Variants in PCDH9 observed in about 807,000 individuals in gnomAD.
The protein encoded by PCDH9 is protocadherin 9.
In PCDH9, 24 loss-of-function variants were observed where a neutral mutation model predicts 70.6. The ratio of observed to expected loss-of-function variants is 0.34; its 90% confidence interval spans 0.25 to 0.48. The LOEUF (loss-of-function observed/expected upper bound fraction) is 0.48. Ranked by LOEUF, PCDH9 falls within the 20% of genes least tolerant of loss-of-function variation. The probability of loss-of-function intolerance (pLI) is 0.99; values close to 1 mark genes in which losing one functional copy is unlikely to be tolerated. For missense variants in PCDH9, 1,281 were observed against 1,503.6 expected, an observed-to-expected ratio of 0.85 and a Z score of 2.45; for synonymous variants, 562 against 558.5, an observed-to-expected ratio of 1.01 and a Z score of -0.09.
intron 2 of PCDH9, among the ~76,000 whole-genome samples, chr13:67,159,722 G>A (rs910480496): frequency 6.6e-6 from 1 of 152,104 alleles, no homozygotes; most frequent in Non-Finnish European, 1.5e-5. Context: ...CTTTTTTAGA[G>A]AATAGATTTA....
chr13:66,609,044 C>T (rs1354813189), intron 4 of PCDH9, among the ~76,000 whole-genome samples: 1 of 152,126 alleles, frequency 6.6e-6, no homozygotes, highest in Non-Finnish European at 1.5e-5. Flanking sequence ...GTCAGGAATG[C>T]TGTTGAGTGC....
intron 2 of PCDH9, among the ~76,000 whole-genome samples, chr13:67,183,478 T>C (rs2138490443): frequency 6.6e-6 from 1 of 152,330 alleles, no homozygotes; most frequent in South Asian, 2.1e-4. Context: ...CTGCTATTTT[T>C]ATTATGTTTC....
intron 2 of PCDH9, among the ~76,000 whole-genome samples, chr13:67,102,032 A>G (rs2086446132): frequency 6.6e-6 from 1 of 152,154 alleles, no homozygotes; most frequent in African/African-American, 2.4e-5. Context: ...AGGAGTTTTA[A>G]TAAGCCTCCT....
intron 2 of PCDH9, among the ~76,000 whole-genome samples, chr13:67,172,237 G>A (rs1291168413): frequency 6.6e-6 from 1 of 152,148 alleles, no homozygotes; most frequent in Non-Finnish European, 1.5e-5. Flanking sequence ...TCCCCTGGGA[G>A]AAAGTAGAAC....
intron 2 of PCDH9, among the ~76,000 whole-genome samples, chr13:66,917,158 T>C (rs958670645): frequency 2.6e-5 from 4 of 151,538 alleles, no homozygotes; most frequent in African/African-American, 7.2e-5. Flanking sequence ...TTTATGTTGA[T>C]GTCAACTTAG....
Position 66,583,187 on chromosome 13 carries a change from AG to A in PCDH9, c.3340+48022del, listed in dbSNP as rs2076917291. Among the ~76,000 whole-genome samples the A allele has an allele frequency of 1.3e-5, 2 of 151,786 alleles. 1 individual carries two copies. Among genetic ancestry groups the A allele is most frequent in the South Asian group, 4.2e-4 (2 of 4,796 alleles). ...GATTAAAGAAATGAATATCCTCTTC[AG>A]GAAAAAAATGCATATATACATTTAA... On this transcript the variant is annotated intron_variant, in intron 4 of 4. Transcript: ENST00000377865.
chr13:66,849,109 T>C (rs2081265692), intron 3 of PCDH9, among the ~76,000 whole-genome samples: 1 of 152,048 alleles, frequency 6.6e-6, no homozygotes. Context: ...ATTCAAGTCA[T>C]AATAATTGGG....
intron 4 of PCDH9, among the ~76,000 whole-genome samples, chr13:66,444,189 A>T (rs1235311321): frequency 6.6e-6 from 1 of 152,194 alleles, no homozygotes; most frequent in Admixed American, 6.5e-5. Flanking sequence ...AGCTTCCACA[A>T]GAAACTTTAA....
intron 4 of PCDH9, among the ~76,000 whole-genome samples, chr13:66,391,535 A>G (rs1362084397): frequency 6.6e-6 from 1 of 152,194 alleles, no homozygotes; most frequent in African/African-American, 2.4e-5. Context: ...ATTTTAAAAA[A>G]GTACATTATA....
intron 4 of PCDH9, among the ~76,000 whole-genome samples, chr13:66,505,626 G>C (rs536340006): frequency 1.3e-5 from 2 of 152,180 alleles, no homozygotes; most frequent in East Asian, 3.9e-4. Flanking sequence ...ATCTTACATG[G>C]TGGCAGGCAA....
At chr13:66,751,173 G>A (rs543300160) in intron 3 of PCDH9, among the ~76,000 whole-genome samples, 2 of 152,054 alleles carry the variant, frequency 1.3e-5, no homozygotes, top group East Asian at 3.9e-4. Context: ...TACGTACCTT[G>A]CAAGTTCTGA....
At chr13:66,681,167 C>G (rs2078313885) in intron 3 of PCDH9, among the ~76,000 whole-genome samples, 1 of 152,140 alleles carries the variant, frequency 6.6e-6, no homozygotes, top group Admixed American at 6.6e-5. Context: ...CTTTACCCCC[C>G]ACAATATACT....
chr13:66,393,945 AG>A (rs1160782232), intron 4 of PCDH9, among the ~76,000 whole-genome samples: 29 of 152,212 alleles, frequency 1.9e-4, no homozygotes, highest in African/African-American at 6.5e-4. Flanking sequence ...AGAGTTTTTT[AG>A]GAGCTAATTT....
intron 3 of PCDH9, among the ~76,000 whole-genome samples, chr13:66,732,581 T>G (rs994385166): frequency 6.6e-6 from 1 of 152,014 alleles, no homozygotes; most frequent in African/African-American, 2.4e-5. Flanking sequence ...AAAGCCAAAT[T>G]TCCAAATCCT....
At chr13:66,675,410 G>A (rs1472378592) in intron 3 of PCDH9, among the ~76,000 whole-genome samples, 2 of 152,092 alleles carry the variant, frequency 1.3e-5, no homozygotes, top group Non-Finnish European at 2.9e-5. Flanking sequence ...AAACTTAGTA[G>A]AGTCTGCATA....
chr13:66,587,066 CAAG>C (rs1183046588), intron 4 of PCDH9, among the ~76,000 whole-genome samples: 2 of 151,996 alleles, frequency 1.3e-5, no homozygotes. Flanking sequence ...GAGGCCAAAG[CAAG>C]AAGATCACTT....
chr13:66,650,296 T>C (rs570349063), intron 3 of PCDH9, among the ~76,000 whole-genome samples: 7 of 152,032 alleles, frequency 4.6e-5, no homozygotes, highest in African/African-American at 1.7e-4. Context: ...AAAGTCATTC[T>C]ATGCAAATGG....
chr13:67,172,597 G>C (rs1180415471), intron 2 of PCDH9, among the ~76,000 whole-genome samples: 1 of 152,052 alleles, frequency 6.6e-6, no homozygotes, highest in East Asian at 1.9e-4. Context: ...GATGGTTTTG[G>C]CCGGGCAAGG....
At chr13:66,899,066 C>T (rs1027345684) in intron 3 of PCDH9, among the ~76,000 whole-genome samples, 12 of 152,122 alleles carry the variant, frequency 7.9e-5, no homozygotes, top group African/African-American at 2.9e-4. Context: ...CTCTTACTCA[C>T]CATTTGACAT....
Sources: allele counts gnomAD v4.1 joint callset (sites outside exome capture counted in the v4.1 genomes callset), GRCh38; gene constraint gnomAD v4.1.1; transcripts MANE v1.5; gene names NCBI Gene and HGNC (gene_info 2026-07-23, HGNC 2026-07-21).